SH3GL2: variants seen among roughly 807,000 people sequenced by gnomAD.
The protein encoded by SH3GL2 is SH3 domain containing GRB2 like 2, endophilin A1, also known as endophilin-A1.
A neutral mutation model predicts 46.0 loss-of-function variants in SH3GL2; 24 were observed. The observed-to-expected ratio is 0.52, with a 90% CI of 0.38 to 0.73. The LOEUF (loss-of-function observed/expected upper bound fraction) is 0.73. Among genes scored for constraint, SH3GL2 ranks in the 30% least tolerant of loss-of-function variants. SH3GL2 has a pLI of 0.00. For synonymous variants in SH3GL2, 196 were observed against 147.1 expected, an observed-to-expected ratio of 1.33 and a Z score of -2.40; for missense variants, 413 against 424.2, an observed-to-expected ratio of 0.97 and a Z score of 0.23.
intron 1 of SH3GL2, among the ~76,000 whole-genome samples, chr9:17,605,121 C>T (rs1818740261): frequency 6.6e-6 from 1 of 151,904 alleles, no homozygotes; most frequent in South Asian, 2.1e-4. Context: ...TACAGGCATT[C>T]ACCACCATGC....
intron 1 of SH3GL2, among the ~76,000 whole-genome samples, chr9:17,643,057 A>G (rs1341104814): frequency 6.6e-6 from 1 of 152,032 alleles, no homozygotes; most frequent in Non-Finnish European, 1.5e-5. Flanking sequence ...GTCCTCTGTT[A>G]TTTCCTTGAG....
chr9:17,625,461 T>A (rs1430747515), intron 1 of SH3GL2, among the ~76,000 whole-genome samples: 2 of 152,252 alleles, frequency 1.3e-5, no homozygotes, highest in African/African-American at 2.4e-5. Context: ...AGTATGGAGC[T>A]ATTTAAAACG....
At chr9:17,677,436 T>C (rs1820639914) in intron 1 of SH3GL2, among the ~76,000 whole-genome samples, 2 of 152,138 alleles carry the variant, frequency 1.3e-5, no homozygotes, top group African/African-American at 4.8e-5. Flanking sequence ...TAGCATTTTA[T>C]AACCTTCAAC....
rs746350606 is a variant in SH3GL2 at position 17,786,466 on chromosome 9, G to A, written c.273G>A (p.Ala91=). Residue 91 remains alanine (A), a synonymous_variant, in exon 4 of 9, where the codon GCG becomes GCA. Transcript: ENST00000380607. ...GGCCAGGCTATCCTCAGGCAGAGGC[G>A]CTGCTGGCAGAGGCCATGCTCAAAT... ...EKGPGYPQAE[A]LLAEAMLKFG... 6.8e-6 allele frequency: 11 copies of A among 1,613,364 alleles called. No homozygotes were observed. The East Asian group carries it at 8.9e-5, about 13-fold the overall frequency.
At chr9:17,639,883 GAATA>G (rs1328262294) in intron 1 of SH3GL2, among the ~76,000 whole-genome samples, 1 of 152,076 alleles carries the variant, frequency 6.6e-6, no homozygotes, top group Non-Finnish European at 1.5e-5. Context: ...AAACCCAAAA[GAATA>G]AATACTGTTC....
intron 1 of SH3GL2, among the ~76,000 whole-genome samples, chr9:17,611,136 C>A (rs1182751741): frequency 1.3e-5 from 2 of 152,028 alleles, no homozygotes; most frequent in African/African-American, 2.4e-5. Context: ...AGACGTCATA[C>A]AATAATAACC....
intron 1 of SH3GL2, among the ~76,000 whole-genome samples, chr9:17,606,409 GGCCAATTAAACCAGAA>G (rs1277860016): frequency 5.3e-5 from 8 of 152,048 alleles, no homozygotes; most frequent in African/African-American, 1.9e-4. Context: ...CAACTCCCAA[GGCCAATTAAACCAGAA>G]GCTTCCCAAG....
chr9:17,702,981 C>T (rs1053342671), intron 1 of SH3GL2, among the ~76,000 whole-genome samples: 3 of 152,124 alleles, frequency 2.0e-5, no homozygotes, highest in Non-Finnish European at 2.9e-5. Flanking sequence ...CTGAAAGAAG[C>T]CCATTACTTT....
At chr9:17,697,773 A>G (rs1254064593) in intron 1 of SH3GL2, among the ~76,000 whole-genome samples, 2 of 152,196 alleles carry the variant, frequency 1.3e-5, no homozygotes, top group African/African-American at 4.8e-5. Flanking sequence ...ATAGTTTTGC[A>G]GAAGCAGAAA....
chr9:17,728,807 A>G (rs747997228), intron 1 of SH3GL2, among the ~76,000 whole-genome samples: 2 of 152,280 alleles, frequency 1.3e-5, no homozygotes, highest in Non-Finnish European at 2.9e-5. Context: ...ACATGAACTC[A>G]TTATTTTTTA....
chr9:17,655,231 A>G (rs576583234), intron 1 of SH3GL2, among the ~76,000 whole-genome samples: 2 of 152,306 alleles, frequency 1.3e-5, no homozygotes, highest in Non-Finnish European at 2.9e-5. Context: ...TAGGTGTTTC[A>G]TTGTCTTGTC....
intron 3 of SH3GL2, among the ~76,000 whole-genome samples, chr9:17,782,945 A>G (rs77750366): frequency 5.9e-5 from 9 of 151,932 alleles, no homozygotes; most frequent in East Asian, 1.9e-4. Context: ...CTTTGGACCA[A>G]TTCTGATTTT....
chr9:17,783,790 A>T (rs909723103), intron 3 of SH3GL2, among the ~76,000 whole-genome samples: 11 of 152,256 alleles, frequency 7.2e-5, no homozygotes, highest in African/African-American at 2.6e-4. Context: ...AAGTAGATTC[A>T]TGGGTTTGAA....
At chr9:17,724,140 C>A (rs1821963752) in intron 1 of SH3GL2, among the ~76,000 whole-genome samples, 1 of 151,956 alleles carries the variant, frequency 6.6e-6, no homozygotes, top group Non-Finnish European at 1.5e-5. Flanking sequence ...ACTGCTATCC[C>A]CCATTTCTGA....
At chr9:17,631,461 G>A (rs755912849) in intron 1 of SH3GL2, among the ~76,000 whole-genome samples, 1 of 152,124 alleles carries the variant, frequency 6.6e-6, no homozygotes, top group Non-Finnish European at 1.5e-5. Flanking sequence ...GGGCTTTATT[G>A]TAATGTAAAC....
intron 1 of SH3GL2, among the ~76,000 whole-genome samples, chr9:17,697,056 C>T (rs1228822485): frequency 1.3e-5 from 2 of 152,118 alleles, no homozygotes; most frequent in African/African-American, 4.8e-5. Context: ...GACATTTCCT[C>T]TTTAAGAATC....
At chr9:17,792,210 A>G (rs1353346591) in intron 7 of SH3GL2, among the ~76,000 whole-genome samples, 1 of 152,088 alleles carries the variant, frequency 6.6e-6, no homozygotes, top group Non-Finnish European at 1.5e-5. Flanking sequence ...TCATTTCAGT[A>G]TTTTCTTTGA....
chr9:17,599,782 G>C (rs1818636356), intron 1 of SH3GL2, among the ~76,000 whole-genome samples: 1 of 151,860 alleles, frequency 6.6e-6, no homozygotes, highest in Non-Finnish European at 1.5e-5. Context: ...TTGGAACTAG[G>C]GTCACAATGT....
chr9:17,699,698 G>C lies in SH3GL2; in HGVS notation c.46-47368G>C, dbSNP rs117312999. Among the ~76,000 whole-genome samples, 91 of 152,306 alleles carry C rather than the reference G, an allele frequency of 6.0e-4. 1 individual carries two copies. The East Asian group carries it at 0.014, about 24-fold the overall frequency. On this transcript the variant is annotated intron_variant, in intron 1 of 8. Transcript: ENST00000380607. ...AGCTTGAGCTCCCAGCAAAGACCAC[G>C]TGCCTCTTTGAACAAGGGCAGCTCT...
Sources: allele counts gnomAD v4.1 joint callset (sites outside exome capture counted in the v4.1 genomes callset), GRCh38; gene constraint gnomAD v4.1.1; transcripts MANE v1.5; gene names NCBI Gene and HGNC (gene_info 2026-07-23, HGNC 2026-07-21).